Variants in RAB31 observed in about 807,000 individuals in gnomAD.
The protein encoded by RAB31 is RAB31, member RAS oncogene family.
In RAB31, 21 loss-of-function variants were observed where a neutral mutation model predicts 25.6. The ratio of observed to expected loss-of-function variants is 0.82; its 90% CI spans 0.58 to 1.18. The LOEUF (loss-of-function observed/expected upper bound fraction) is 1.18. Ranked by LOEUF, RAB31 falls within the 50% of genes most tolerant of loss-of-function variation. RAB31 has a pLI of 0.00. For missense variants in RAB31, 196 were observed against 250.1 expected, an observed-to-expected ratio of 0.78 and a Z score of 1.46; for synonymous variants, 87 against 84.0, an observed-to-expected ratio of 1.04 and a Z score of -0.20.
At chr18:9,847,658 C>T (rs2068768329) in intron 6 of RAB31, among the ~76,000 whole-genome samples, 1 of 152,114 alleles carries the variant, frequency 6.6e-6, no homozygotes, top group Non-Finnish European at 1.5e-5. Flanking sequence ...CTGCAGCCTC[C>T]ACCTCCTGGG....
chr18:9,746,251 T>G (rs2068205199), intron 1 of RAB31, among the ~76,000 whole-genome samples: 1 of 152,236 alleles, frequency 6.6e-6, no homozygotes, highest in African/African-American at 2.4e-5. Flanking sequence ...CATTTCACAT[T>G]GCTGAAAGAA....
intron 2 of RAB31, among the ~76,000 whole-genome samples, chr18:9,778,041 CTG>C (rs2068382334): frequency 6.6e-6 from 1 of 152,168 alleles, no homozygotes; most frequent in Non-Finnish European, 1.5e-5. Context: ...GCGTGAGCCA[CTG>C]CACCCGGCCT....
Position 9,737,869 on chromosome 18 carries a change from C to T in RAB31, c.39+29425C>T, listed in dbSNP as rs539313354. The stretch of plus-strand genomic sequence containing the variant: ...TCAGAGGGTTCTAACAGATACCCCA[C>T]CCCCTTCTGCTTTTAAAAGCTCTTG... On this transcript the variant is annotated intron_variant, in intron 1 of 6. Coordinates refer to ENST00000578921, the MANE Select transcript of RAB31 (RefSeq NM_006868.4). Among the ~76,000 whole-genome samples the T allele has an allele frequency of 2.0e-5, 3 of 152,276 alleles. No homozygotes were observed. In the South Asian group the frequency reaches 6.2e-4, roughly 32 times the overall value.
At chr18:9,835,656 G>A (rs1262687791) in intron 5 of RAB31, among the ~76,000 whole-genome samples, 2 of 152,330 alleles carry the variant, frequency 1.3e-5, no homozygotes, top group South Asian at 4.1e-4. Context: ...TGCTTTAGCT[G>A]TAAGTGCTTA....
intron 5 of RAB31, among the ~76,000 whole-genome samples, chr18:9,837,994 C>T (rs574956239): frequency 1.5e-4 from 23 of 152,308 alleles, no homozygotes; most frequent in African/African-American, 4.3e-4. Flanking sequence ...TTTTGGCATT[C>T]TGTAAGAAAG....
intron 6 of RAB31, 89 bp downstream of exon 6, chr18:9,845,780 C>T (rs898181411): frequency 1.1e-5 from 16 of 1,425,926 alleles, no homozygotes; most frequent in Non-Finnish European, 1.5e-5. Context: ...CTGAAGTGAA[C>T]TTTTCCTCTG....
intron 5 of RAB31, among the ~76,000 whole-genome samples, chr18:9,835,684 A>G (rs1390437126): frequency 1.3e-5 from 2 of 152,104 alleles, no homozygotes; most frequent in African/African-American, 4.8e-5. Context: ...GCAATGTGTT[A>G]TTGTCTCAGA....
chr18:9,716,429 C>T (rs925907765), intron 1 of RAB31, among the ~76,000 whole-genome samples: 1 of 152,082 alleles, frequency 6.6e-6, no homozygotes, highest in Non-Finnish European at 1.5e-5. Context: ...TGACACAGAA[C>T]TTTGACCTCT....
chr18:9,712,731 TGCACTTAAAAACTGC>T (rs1412672221), intron 1 of RAB31, among the ~76,000 whole-genome samples: 5 of 940 alleles, frequency 5.3e-3, no homozygotes, highest in East Asian at 0.083. Context: ...TTTGTGTGCG[TGCACTTAAAAACTGC>T]GTGCACTTAA....
At chr18:9,740,782 G>A (rs1211067314) in intron 1 of RAB31, among the ~76,000 whole-genome samples, 1 of 152,128 alleles carries the variant, frequency 6.6e-6, no homozygotes, top group Non-Finnish European at 1.5e-5. Flanking sequence ...CACATCTTCT[G>A]TCCACATCAT....
rs147686358 is a variant in RAB31, at chr18:9,765,235, C to T, written c.40-10043C>T. Among the ~76,000 whole-genome samples the T allele has an allele frequency of 5.1e-3, 778 of 152,284 alleles. 11 individuals carry two copies. Among genetic ancestry groups the T allele is most frequent in the African/African-American group, 0.018 (737 of 41,566 alleles). Reference sequence around the variant, plus strand: ...CCCAAAGTGCTGGGAATTACAGGTGCGAGCCACCACACCCGGCTGCCCAGA... The same window carrying T: ...CCCAAAGTGCTGGGAATTACAGGTGTGAGCCACCACACCCGGCTGCCCAGA... On this transcript the variant is annotated intron_variant, in intron 1 of 6. Transcript: ENST00000578921.
At chr18:9,812,828 G>C (rs937341382) in intron 3 of RAB31, among the ~76,000 whole-genome samples, 1 of 150,874 alleles carries the variant, frequency 6.6e-6, no homozygotes, top group Non-Finnish European at 1.5e-5. Flanking sequence ...CTCCCAAGTA[G>C]CTGGGATTAC....
At chr18:9,842,844 G>C (rs1054610385) in intron 5 of RAB31, among the ~76,000 whole-genome samples, 1 of 152,246 alleles carries the variant, frequency 6.6e-6, no homozygotes, top group African/African-American at 2.4e-5. Context: ...TGTCACTTCG[G>C]CAGGCCGATG....
chr18:9,834,646 A>G (rs115991118), intron 5 of RAB31, among the ~76,000 whole-genome samples: 105 of 152,344 alleles, frequency 6.9e-4, no homozygotes, highest in African/African-American at 2.4e-3. Context: ...TCAAAAAAAG[A>G]ATGAACATAA....
chr18:9,715,594 A>G (rs1436671077), intron 1 of RAB31, among the ~76,000 whole-genome samples: 1 of 149,566 alleles, frequency 6.7e-6, no homozygotes, highest in Non-Finnish European at 1.5e-5. Flanking sequence ...CAGTGGCACA[A>G]TCTCGGCTCA....
intron 2 of RAB31, among the ~76,000 whole-genome samples, chr18:9,789,360 C>T (rs942729483): frequency 5.9e-5 from 9 of 152,024 alleles, no homozygotes; most frequent in South Asian, 2.1e-4. Context: ...TGTATATTTT[C>T]GAAAAGCTTG....
chr18:9,857,420 A>G (rs1168080381), intron 6 of RAB31, among the ~76,000 whole-genome samples: 1 of 152,058 alleles, frequency 6.6e-6, no homozygotes, highest in Admixed American at 6.6e-5. Flanking sequence ...CATAGTCAGT[A>G]TTCCGTGCTA....
At chr18:9,763,727 T>A (rs1285292420) in intron 1 of RAB31, among the ~76,000 whole-genome samples, 6 of 152,088 alleles carry the variant, frequency 3.9e-5, no homozygotes, top group Non-Finnish European at 5.9e-5. Flanking sequence ...TAATAGCTGA[T>A]ACTTTTCCAT....
chr18:9,778,810 A>G (rs558487569), intron 2 of RAB31, among the ~76,000 whole-genome samples: 1 of 152,314 alleles, frequency 6.6e-6, no homozygotes, highest in South Asian at 2.1e-4. Context: ...TTACCTGCTA[A>G]TACCTGACCA....
Sources: allele counts gnomAD v4.1 joint callset (sites outside exome capture counted in the v4.1 genomes callset), GRCh38; gene constraint gnomAD v4.1.1; transcripts MANE v1.5; gene names NCBI Gene and HGNC (gene_info 2026-07-23, HGNC 2026-07-21).